Variants in HR observed in about 807,000 individuals in gnomAD.
The protein encoded by HR is HR lysine demethylase and nuclear receptor corepressor.
HR carries 83 observed loss-of-function variants against 128.6 expected under a neutral mutation model. The ratio of observed to expected loss-of-function variants is 0.65; its 90% CI spans 0.54 to 0.77. The LOEUF (loss-of-function observed/expected upper bound fraction) is 0.77, where lower values mean the gene tolerates loss of function less well. Among genes scored for constraint, HR ranks in the 30% least tolerant of loss-of-function variants. The probability of loss-of-function intolerance (pLI) is 0.00; values close to 1 mark genes in which losing one functional copy is unlikely to be tolerated. For missense variants in HR, 1,490 were observed against 1,574.6 expected, an observed-to-expected ratio of 0.95 and a Z score of 0.91; for synonymous variants, 681 against 658.2, an observed-to-expected ratio of 1.03 and a Z score of -0.53.
At chr8:22,120,537 G>T in intron 11 of HR, 30 bp from the exon 12 acceptor site, 1 of 1,612,508 alleles carries the variant, frequency 6.2e-7, no homozygotes, top group Non-Finnish European at 8.5e-7. Flanking sequence ...AGGCCATGAG[G>T]AGAATGGCCA....
In HR at chr8:22,122,526, G is replaced by T; in HGVS notation, c.2088C>A (p.Ala696=). ...CTGCATCCCCGGGGGCCCATACCCG[G>T]GCATCAGCTTGGCAGGGGCAGTGCC... ...IRGHCPCQAD[A]RVWAPGDAGQ... Residue 696 remains alanine, a synonymous_variant, in exon 8 of 19, where the codon GCC becomes GCA. Coordinates refer to ENST00000381418, the MANE Select transcript of HR (RefSeq NM_005144.5). 1 of 1,611,834 alleles carries T rather than the reference G, an allele frequency of 6.2e-7. No individual in the cohort carries two copies. Among genetic ancestry groups the T allele is most frequent in the South Asian group, 1.1e-5 (1 of 90,760 alleles).
intron 3 of HR, 54 bp downstream of exon 3, chr8:22,126,978 GCCCCA>G: frequency 1.3e-6 from 2 of 1,490,242 alleles, no homozygotes; most frequent in Non-Finnish European, 1.8e-6. Context: ...CCCATGCGAA[GCCCCA>G]GCCCCGGCTG....
intron 16 of HR, chr8:22,117,240 G>C (rs977856671): frequency 1.6e-5 from 9 of 563,008 alleles, no homozygotes; most frequent in Non-Finnish European, 2.8e-5. Context: ...TGGCTGGAAG[G>C]AGCTTAGAAG....
Position 22,120,870 on chromosome 8 carries a change from C to A in HR, c.2456G>T (p.Arg819Leu), listed in dbSNP as rs1460886037. 1 of 1,552,380 alleles carries A rather than the reference C, an allele frequency of 6.4e-7. No individual in the cohort carries two copies. The highest frequency in any genetic ancestry group is 1.2e-5 in the South Asian group (1 of 84,350). Residue 819 changes from arginine to leucine, a missense_variant, in exon 11 of 19, where the codon CGA (arginine) becomes CTA (leucine). Transcript: ENST00000381418. ...GCCCTTGCGCAGACCCGGGCCAGCT[C>A]GAAGCCCCGGCCCCAGGGCTTTCTC... The part of the protein sequence containing the change: ...IQEKALGPGL[R>L]AGPGLRKGLG...
chr8:22,123,616 A>AGGGGGGGCCCCC, intron 6 of HR, 33 bp downstream of exon 6: 6 of 562,348 alleles, frequency 1.1e-5, no homozygotes, highest in East Asian at 3.4e-5. Context: ...TGAGGGCTCC[A>AGGGGGGGCCCCC]TCCCGCCCTC....
intron 10 of HR, 37 bp downstream of exon 10, chr8:22,121,028 C>T (rs748681773): frequency 6.2e-7 from 1 of 1,613,018 alleles, no homozygotes; most frequent in Non-Finnish European, 8.5e-7. Flanking sequence ...GCCTCTGGTC[C>T]CCTGGCTCCT....
rs1826618472 is a variant in HR at position 22,117,317 on chromosome 8, A to G, written c.3214-278T>C. On this transcript the variant is annotated intron_variant, in intron 16 of 18. Transcript: ENST00000381418. ...GCTTTTCTGGGGCTGGAGGCCTTTA[A>G]CAGCCTCTGTGACCTCGGCCCCTCT... is the stretch of plus-strand genomic sequence containing the variant. The G allele has an allele frequency of 1.8e-5, 8 of 442,166 alleles. No individual in the cohort carries two copies. In the South Asian group the frequency reaches 3.3e-4, roughly 18 times the overall value. The allele number at this position is 442,166 out of a possible 1,614,324, so 27.4% of individuals were successfully genotyped here. A position where few individuals can be genotyped will look rare whatever the true frequency, so the allele number is the denominator to read the frequency against.
At position 22,124,804 on chromosome 8, in the gene HR, T is replaced by C. The variant is rs142906243; in HGVS notation, c.1750+507A>G. On this transcript the variant is annotated intron_variant, in intron 5 of 18. Transcript: ENST00000381418. ...GCCGGGAAGGGAAGGATGGATGGCG[T>C]GTGTGCTGGGAACCCAGGCTGGGAG... is the stretch of plus-strand genomic sequence containing the variant. 6.2e-4 allele frequency among the ~76,000 whole-genome samples: 95 copies of C among 152,042 alleles called. No individual in the cohort carries two copies. In the East Asian group the frequency reaches 0.017, roughly 28 times the overall value.
Position 22,127,510 on chromosome 8 carries a change from G to A in HR, c.932C>T (p.Thr311Ile). 1 of 1,612,914 alleles carries A rather than the reference G, an allele frequency of 6.2e-7. No homozygotes were observed. ...CGGCTCAGGAGAGGGGCACCTTGGT[G>A]TTGCTGGTGGCCCCAGCTGGTACCC... ...NLGYQLGPPA[T>I]PRCPSPEPPV... The change falls in exon 3 of 19, where the codon ACA (threonine) becomes ATA (isoleucine). Residue 311 changes from threonine (T) to isoleucine (I), a missense_variant. Transcript: ENST00000381418.
Position 22,125,356 on chromosome 8 carries a change from G to C in HR, c.1705C>G (p.Leu569Val), listed in dbSNP as rs775952668. 1.9e-6 allele frequency: 3 copies of C among 1,604,458 alleles called. No individual in the cohort carries two copies. Among genetic ancestry groups the C allele is most frequent in the South Asian group, 1.1e-5 (1 of 89,112 alleles). ...LSGLGDRLCR[L>V]LRREREALAW... ...AGGGCCTCCCGCTCCCTCCGCAGCA[G>C]GCGGCACAGTCGGTCCCCCAAACCA... Residue 569 changes from leucine to valine, a missense_variant, in exon 5 of 19, where the codon CTG becomes GTG. Leu to Val is a conservative substitution (Grantham distance 32). This residue lies in a region of HR where 1,060 missense variants were observed against 1,060.9 expected (regional missense o/e 1.00). Coordinates refer to ENST00000381418, the MANE Select transcript of HR (RefSeq NM_005144.5).
At chr8:22,123,627 C>T (rs1449952811) in intron 6 of HR, 22 bp downstream of exon 6, 4 of 1,111,002 alleles carry the variant, frequency 3.6e-6, no homozygotes, top group Non-Finnish European at 5.1e-6. Flanking sequence ...TCCCGCCCTC[C>T]CACCCCCAGC....
intron 14 of HR, 66 bp downstream of exon 14, chr8:22,119,694 G>C: frequency 1.9e-6 from 3 of 1,540,458 alleles, no homozygotes; most frequent in Non-Finnish European, 2.6e-6. Flanking sequence ...AGACGCTCGT[G>C]TGCCCCGAGA....
In HR at chr8:22,122,555, G is replaced by A. The variant is rs201573819; in HGVS notation, c.2059C>T (p.Arg687Trp). Reference sequence around the variant, plus strand: ...TCAGCTTGGCAGGGGCAGTGCCCCCGGATATCAAACTTGACCCAGACCTGG... The same window carrying A: ...TCAGCTTGGCAGGGGCAGTGCCCCCAGATATCAAACTTGACCCAGACCTGG... Reference protein sequence around the residue: ...MHQVWVKFDIRGHCPCQADAR... With the variant: ...MHQVWVKFDIWGHCPCQADAR... The change falls in exon 8 of 19, where the codon CGG (arginine) becomes TGG (tryptophan). Residue 687 changes from arginine (R) to tryptophan (W), a missense_variant. Arg to Trp is a moderately radical substitution (Grantham distance 101, BLOSUM62 -3). This residue lies in a region of HR where 1,060 missense variants were observed against 1,060.9 expected (regional missense o/e 1.00). Coordinates refer to ENST00000381418, the MANE Select transcript of HR (RefSeq NM_005144.5). 2.9e-5 allele frequency: 47 copies of A among 1,612,196 alleles called. No individual in the cohort carries two copies. Among genetic ancestry groups the A allele is most frequent in the Middle Eastern group, 1.7e-4 (1 of 6,056 alleles).
chr8:22,123,620 C>CTTGG, intron 6 of HR, 29 bp downstream of exon 6: 3 of 293,774 alleles, frequency 1.0e-5, no homozygotes, highest in Non-Finnish European at 2.0e-5. Context: ...GGCTCCATCC[C>CTTGG]GCCCTCCCAC....
At chr8:22,119,629 AAAG>A in intron 14 of HR, 128 bp downstream of exon 14, 81 of 1,228,144 alleles carry the variant, frequency 6.6e-5, no homozygotes, top group Non-Finnish European at 7.7e-5. Context: ...AAAAAAAAAA[AAAG>A]AAAGAAAGAA....
intron 2 of HR, chr8:22,128,241 C>G: frequency 3.8e-6 from 2 of 530,528 alleles, no homozygotes; most frequent in Non-Finnish European, 6.8e-6. Flanking sequence ...AGATAGAGGG[C>G]CCTTGTCTGC....
In HR at chr8:22,121,982, G is replaced by A. The variant is rs1826766419; in HGVS notation, c.2122-288C>T. On this transcript the variant is annotated intron_variant, in intron 8 of 18. Coordinates refer to ENST00000381418, the MANE Select transcript of HR (RefSeq NM_005144.5). ...GTCATTTTCTTCCTTATACTTGTCTGTATTTTCCAAATTTTCCACAATGGG... is the reference window on the plus strand; with the variant it reads ...GTCATTTTCTTCCTTATACTTGTCTATATTTTCCAAATTTTCCACAATGGG... Among the ~76,000 whole-genome samples, 4 of 152,188 alleles carry A rather than the reference G, an allele frequency of 2.6e-5. No homozygotes were observed. The South Asian group carries it at 6.2e-4, about 24-fold the overall frequency.
At position 22,116,207 on chromosome 8, in the gene HR, A is replaced by G; in HGVS notation, c.3507+93T>C. On this transcript the variant is annotated intron_variant, in intron 18 of 18. Coordinates refer to ENST00000381418, the MANE Select transcript of HR (RefSeq NM_005144.5). This position sits in a 1 kb window ranked among gnomAD's most constrained non-coding sequence, Gnocchi z 4.2. ...CACAGGGTGGCTGCCTGCTTGGCAC[A>G]GGGTGGGATCTGCTATGTCCACTGC... 6.4e-7 allele frequency: 1 copy of G among 1,572,278 alleles called. No individual in the cohort carries two copies. The highest frequency in any genetic ancestry group is 8.7e-7 in the Non-Finnish European group (1 of 1,146,246).
Position 22,127,207 on chromosome 8 carries a change from T to C in HR, c.1235A>G (p.Lys412Arg), listed in dbSNP as rs1282931150. The C allele has an allele frequency of 1.9e-6, 3 of 1,613,018 alleles. No homozygotes were observed. Among genetic ancestry groups the C allele is most frequent in the South Asian group, 2.2e-5 (2 of 91,086 alleles). Residue 412 changes from lysine (K) to arginine (R), a missense_variant, in exon 3 of 19, where the codon AAA becomes AGA. Physicochemically the swap from Lys to Arg is conservative, Grantham distance 26. Transcript: ENST00000381418. ...CTGGACCTCGGGGCTGCCTGCCCTT[T>C]TGAGGGCCCGGAGCCGAGCAACCGG... ...ERPVARLRAL[K>R]RAGSPEVQGA...
Sources: allele counts gnomAD v4.1 joint callset (sites outside exome capture counted in the v4.1 genomes callset), GRCh38; gene constraint gnomAD v4.1.1; regional missense constraint gnomAD v4.1.1; non-coding constraint Gnocchi (gnomAD v3.1); transcripts MANE v1.5; gene names NCBI Gene and HGNC (gene_info 2026-07-23, HGNC 2026-07-21).